Variants in LCLAT1 observed in about 807,000 individuals in gnomAD.
LCLAT1 encodes lysocardiolipin acyltransferase 1.
LCLAT1 carries 11 observed loss-of-function variants against 30.7 expected under a neutral mutation model. That is an observed-to-expected ratio of 0.36 (90% CI 0.23 to 0.59). LCLAT1 has a LOEUF of 0.59. Among genes scored for constraint, LCLAT1 ranks in the 20% least tolerant of loss-of-function variants. The probability of loss-of-function intolerance (pLI) is 0.77; values close to 1 mark genes in which losing one functional copy is unlikely to be tolerated. For missense variants in LCLAT1, 402 were observed against 458.6 expected (o/e 0.88, Z 1.13); for synonymous variants, 155 against 151.3 (o/e 1.02, Z -0.18).
intron 3 of LCLAT1, among the ~76,000 whole-genome samples, chr2:30,538,666 C>A (rs1353593584): frequency 6.6e-6 from 1 of 151,580 alleles, no homozygotes; most frequent in Non-Finnish European, 1.5e-5. Context: ...AAAATTAGAA[C>A]TGTAATAAAA....
At chr2:30,486,835 A>G (rs1400296234) in intron 1 of LCLAT1, among the ~76,000 whole-genome samples, 1 of 152,200 alleles carries the variant, frequency 6.6e-6, no homozygotes, top group Non-Finnish European at 1.5e-5. Flanking sequence ...ATGACTATGT[A>G]AGAGAATTGC....
intron 1 of LCLAT1, among the ~76,000 whole-genome samples, chr2:30,460,602 T>A (rs1682068174): frequency 6.6e-6 from 1 of 152,228 alleles, no homozygotes; most frequent in Non-Finnish European, 1.5e-5. Context: ...GACAATGAGC[T>A]TCAAAAAATC....
At chr2:30,536,745 C>T (rs999933300) in intron 3 of LCLAT1, among the ~76,000 whole-genome samples, 1 of 152,100 alleles carries the variant, frequency 6.6e-6, no homozygotes, top group African/African-American at 2.4e-5. Context: ...CAAACGTTAA[C>T]ACTACAGAAA....
intron 1 of LCLAT1, among the ~76,000 whole-genome samples, chr2:30,474,939 A>G (rs944700888): frequency 1.3e-5 from 2 of 152,076 alleles, no homozygotes; most frequent in Non-Finnish European, 2.9e-5. Flanking sequence ...GGCATGAGCC[A>G]CCACACCTGG....
intron 5 of LCLAT1, among the ~76,000 whole-genome samples, chr2:30,593,962 A>G (rs1334009223): frequency 6.6e-6 from 1 of 151,688 alleles, no homozygotes; most frequent in African/African-American, 2.4e-5. Flanking sequence ...CTAATTCTAA[A>G]ATTTTATCAT....
At chr2:30,458,619 A>C (rs1422454524) in intron 1 of LCLAT1, among the ~76,000 whole-genome samples, 1 of 152,126 alleles carries the variant, frequency 6.6e-6, no homozygotes, top group Non-Finnish European at 1.5e-5. Flanking sequence ...GTTTTACTTA[A>C]GTGTTTTATT....
At chr2:30,472,624 G>T (rs988035881) in intron 1 of LCLAT1, among the ~76,000 whole-genome samples, 1 of 152,162 alleles carries the variant, frequency 6.6e-6, no homozygotes, top group Non-Finnish European at 1.5e-5. Context: ...TTGTGTTTTT[G>T]TAGTCATTTT....
intron 5 of LCLAT1, among the ~76,000 whole-genome samples, chr2:30,574,403 G>A (rs1665908859): frequency 6.6e-6 from 1 of 152,104 alleles, no homozygotes; most frequent in African/African-American, 2.4e-5. Flanking sequence ...ATTTTTGAAA[G>A]ACTTGAAATA....
intron 5 of LCLAT1, among the ~76,000 whole-genome samples, chr2:30,617,180 C>G (rs1384520741): frequency 1.3e-5 from 2 of 152,180 alleles, no homozygotes; most frequent in African/African-American, 4.8e-5. Flanking sequence ...CTATGTACCT[C>G]TGCAGTCAGG....
At chr2:30,567,389 T>C (rs1665538294) in intron 4 of LCLAT1, among the ~76,000 whole-genome samples, 1 of 152,204 alleles carries the variant, frequency 6.6e-6, no homozygotes, top group Non-Finnish European at 1.5e-5. Flanking sequence ...TTCTTTAGTC[T>C]TAGAATATAG....
At chr2:30,465,319 A>G (rs1451221103) in intron 1 of LCLAT1, among the ~76,000 whole-genome samples, 1 of 152,164 alleles carries the variant, frequency 6.6e-6, no homozygotes, top group East Asian at 1.9e-4. Flanking sequence ...AGGCATTCCC[A>G]CAGCCATCAA....
intron 5 of LCLAT1, among the ~76,000 whole-genome samples, chr2:30,590,520 A>ATATATATATATATTATATGTG (rs780753754): frequency 6.8e-5 from 10 of 147,722 alleles, no homozygotes; most frequent in Admixed American, 2.0e-4. Context: ...GACATATTTT[A>ATATATATATATATTATATGTG]TATATATATA....
chr2:30,584,479 A>T (rs1666342720), intron 5 of LCLAT1, among the ~76,000 whole-genome samples: 1 of 152,180 alleles, frequency 6.6e-6, no homozygotes, highest in Non-Finnish European at 1.5e-5. Context: ...GTAGGTACAG[A>T]TGTCACAGTC....
chr2:30,565,386 T>C, intron 4 of LCLAT1, among the ~76,000 whole-genome samples: 1 of 152,184 alleles, frequency 6.6e-6, no homozygotes, highest in East Asian at 1.9e-4. Flanking sequence ...CTACTCCCAT[T>C]GTGGAGGGTC....
intron 1 of LCLAT1, among the ~76,000 whole-genome samples, chr2:30,479,811 C>CA (rs1156703675): frequency 6.6e-6 from 1 of 151,956 alleles, no homozygotes; most frequent in Non-Finnish European, 1.5e-5. Context: ...AAACGAAACA[C>CA]AAAAAAGAAA....
At chr2:30,615,901 T>G (rs2148510634) in intron 5 of LCLAT1, among the ~76,000 whole-genome samples, 1 of 152,350 alleles carries the variant, frequency 6.6e-6, no homozygotes, top group East Asian at 1.9e-4. Context: ...TGACATCTAT[T>G]CACATTGGAG....
At chr2:30,516,995 A>G (rs1685214856) in intron 1 of LCLAT1, among the ~76,000 whole-genome samples, 2 of 152,168 alleles carry the variant, frequency 1.3e-5, no homozygotes, top group South Asian at 4.1e-4. Flanking sequence ...GAAAACTGTC[A>G]TCCTGAATTC....
At chr2:30,559,085 T>G (rs1665074397) in intron 3 of LCLAT1, among the ~76,000 whole-genome samples, 1 of 152,158 alleles carries the variant, frequency 6.6e-6, no homozygotes, top group Non-Finnish European at 1.5e-5. Flanking sequence ...GACGAAATAT[T>G]GAGCATAAGA....
intron 5 of LCLAT1, among the ~76,000 whole-genome samples, chr2:30,630,242 T>G (rs1461489997): frequency 6.6e-6 from 1 of 152,204 alleles, no homozygotes; most frequent in Non-Finnish European, 1.5e-5. Context: ...CTCACCTTTT[T>G]TGCCTCATTT....
Sources: allele counts gnomAD v4.1 joint callset (sites outside exome capture counted in the v4.1 genomes callset), GRCh38; gene constraint gnomAD v4.1.1; transcripts MANE v1.5; gene names NCBI Gene and HGNC (gene_info 2026-07-23, HGNC 2026-07-21).